Variants in RIC3 observed in about 807,000 individuals in gnomAD.
RIC3 encodes RIC3 acetylcholine receptor chaperone.
RIC3 carries 28 observed loss-of-function variants against 27.3 expected under a neutral mutation model. That is an observed-to-expected ratio of 1.02 (90% CI 0.76 to 1.41). The LOEUF is 1.41. Ranked by LOEUF, RIC3 falls within the 40% of genes most tolerant of loss-of-function variation. RIC3 has a pLI of 0.00. For synonymous variants in RIC3, 184 were observed against 160.4 expected (o/e 1.15, Z -1.11); for missense variants, 501 against 444.7 (o/e 1.13, Z -1.14).
chr11:8,100,695 AG>A, the RIC3 span: 390 of 1,484,556 alleles, frequency 2.6e-4, no homozygotes, highest in South Asian at 9.1e-4. Context: ...GTGTATGTGG[AG>A]GGGTACCATG....
intron 4 of RIC3, among the ~76,000 whole-genome samples, chr11:8,132,164 T>C (rs1195327083): frequency 1.3e-5 from 2 of 152,158 alleles, no homozygotes; most frequent in African/African-American, 4.8e-5. Flanking sequence ...GGTAAATTGT[T>C]ACAACTTGGC....
Position 8,137,402 on chromosome 11 carries a change from T to G in RIC3, c.497A>C (p.Asn166Thr). 6.2e-7 allele frequency: 1 copy of G among 1,614,084 alleles called. No individual in the cohort carries two copies. Among genetic ancestry groups the G allele is most frequent in the Non-Finnish European group, 8.5e-7 (1 of 1,179,998 alleles). The part of the protein sequence containing the change: ...ETEAAMEKLI[N>T]RVGPNGESRA... ...CCTCTCACCATTAGGTCCCACTCTG[T>G]TGATTAATTTTTCCATGGCTGCTTC... is the stretch of plus-strand genomic sequence containing the variant. Residue 166 changes from asparagine (N) to threonine (T), a missense_variant, in exon 4 of 6, where the codon AAC becomes ACC. Asn to Thr is a moderately conservative substitution (Grantham distance 65). Coordinates refer to ENST00000309737, the MANE Select transcript of RIC3 (RefSeq NM_001206671.4).
chr11:8,148,174 T>C lies in RIC3; in HGVS notation c.125-7981A>G, dbSNP rs116437678. ...CCAGTGATACTCCTTTTCCTCTCAGTATTGACTTTAAATGATATGGAAAAT... is the reference window on the plus strand; with the variant it reads ...CCAGTGATACTCCTTTTCCTCTCAGCATTGACTTTAAATGATATGGAAAAT... On this transcript the variant is annotated intron_variant, in intron 1 of 5. Coordinates refer to ENST00000309737, the MANE Select transcript of RIC3 (RefSeq NM_001206671.4). Among the ~76,000 whole-genome samples the C allele has an allele frequency of 6.0e-3, 917 of 152,328 alleles. 12 individuals carry two copies. Among genetic ancestry groups the C allele is most frequent in the African/African-American group, 0.021 (869 of 41,562 alleles).
At chr11:8,093,525 T>G in the RIC3 span, among the ~76,000 whole-genome samples, 1 of 152,182 alleles carries the variant, frequency 6.6e-6, no homozygotes, top group Non-Finnish European at 1.5e-5. Flanking sequence ...ACCTCACTGT[T>G]GGTGCCTGTA....
chr11:8,127,587 G>A (rs192776136), intron 4 of RIC3, among the ~76,000 whole-genome samples: 1 of 152,288 alleles, frequency 6.6e-6, no homozygotes, highest in East Asian at 1.9e-4. Context: ...AAGGATAACA[G>A]TTTGATTGTT....
intron 4 of RIC3, among the ~76,000 whole-genome samples, chr11:8,134,648 C>T (rs1247455810): frequency 1.3e-5 from 2 of 152,162 alleles, no homozygotes; most frequent in African/African-American, 4.8e-5. Flanking sequence ...CACATCCTCT[C>T]CAGCACCTGT....
At chr11:8,128,206 T>C (rs1528133) in intron 4 of RIC3, 2 of 457,230 alleles carry the variant, frequency 4.4e-6, no homozygotes, top group African/African-American at 2.0e-5. Flanking sequence ...TGGGGCAGAC[T>C]AGAAGAGCTT....
chr11:8,104,948 CCATTCTGAAAATAGCAGGA>C (rs1371602288), downstream of RIC3: 109 of 125,584 alleles, frequency 8.7e-4, no homozygotes, highest in African/African-American at 2.9e-3. Flanking sequence ...TTTTTTTTCT[CCATTCTGAAAATAGCAGGA>C]CATTTACCTC....
At chr11:8,141,233 T>G (rs1949026181) in intron 1 of RIC3, among the ~76,000 whole-genome samples, 1 of 152,000 alleles carries the variant, frequency 6.6e-6, no homozygotes, top group South Asian at 2.1e-4. Context: ...ATACACAGAC[T>G]GGCAAATTGG....
intron 1 of RIC3, among the ~76,000 whole-genome samples, chr11:8,152,369 C>T (rs1950317364): frequency 6.6e-6 from 1 of 152,196 alleles, no homozygotes; most frequent in Non-Finnish European, 1.5e-5. Flanking sequence ...ATCCACACAA[C>T]ACAGTATTAT....
intron 1 of RIC3, among the ~76,000 whole-genome samples, chr11:8,167,203 C>A (rs1951771697): frequency 6.6e-6 from 1 of 152,022 alleles, no homozygotes; most frequent in Admixed American, 6.6e-5. Flanking sequence ...CAGTGGTAAA[C>A]AAGACAAAGT....
At chr11:8,153,481 C>T (rs1950416618) in intron 1 of RIC3, 1 of 437,376 alleles carries the variant, frequency 2.3e-6, no homozygotes, top group East Asian at 7.1e-5. Context: ...TTGGATTAAT[C>T]TGAATAAATC....
chr11:8,146,482 A>AT (rs2134025711), intron 1 of RIC3, among the ~76,000 whole-genome samples: 1 of 152,380 alleles, frequency 6.6e-6, no homozygotes, highest in East Asian at 1.9e-4. Context: ...AACAAAGTTA[A>AT]TAAAATGCTA....
intron 5 of RIC3, among the ~76,000 whole-genome samples, chr11:8,111,912 G>T (rs78426357): frequency 0.017 from 2,617 of 152,334 alleles, 80 homozygotes; most frequent in African/African-American, 0.059. Context: ...GATGGGCCGT[G>T]CTGGAGCTCA....
intron 1 of RIC3, among the ~76,000 whole-genome samples, chr11:8,155,547 G>T (rs928846069): frequency 4.6e-5 from 7 of 152,152 alleles, no homozygotes; most frequent in African/African-American, 1.7e-4. Context: ...CTGCACTCCA[G>T]CGTAGGTGAC....
intron 1 of RIC3, among the ~76,000 whole-genome samples, chr11:8,155,171 T>C (rs1950560192): frequency 6.9e-6 from 1 of 144,594 alleles, no homozygotes; most frequent in South Asian, 2.1e-4. Flanking sequence ...TGGTGAGCTA[T>C]GATCACACCA....
intron 1 of RIC3, among the ~76,000 whole-genome samples, chr11:8,165,196 C>T (rs1355411041): frequency 2.6e-5 from 4 of 152,110 alleles, no homozygotes; most frequent in Non-Finnish European, 5.9e-5. Flanking sequence ...TGTATACACT[C>T]AAGAGAAATG....
intron 1 of RIC3, among the ~76,000 whole-genome samples, chr11:8,168,619 G>C (rs1357400503): frequency 6.6e-6 from 1 of 152,210 alleles, no homozygotes; most frequent in Non-Finnish European, 1.5e-5. Flanking sequence ...AGGCCACCTA[G>C]AGGATGCACA....
intron 5 of RIC3, among the ~76,000 whole-genome samples, chr11:8,125,453 C>G (rs1946893813): frequency 6.6e-6 from 1 of 152,120 alleles, no homozygotes; most frequent in African/African-American, 2.4e-5. Flanking sequence ...AGAACCTAAT[C>G]AACCCAATTT....
Sources: allele counts gnomAD v4.1 joint callset (sites outside exome capture counted in the v4.1 genomes callset), GRCh38; gene constraint gnomAD v4.1.1; transcripts MANE v1.5; gene names NCBI Gene and HGNC (gene_info 2026-07-23, HGNC 2026-07-21).